Variants in FHIT observed in about 807,000 individuals in gnomAD.
FHIT encodes fragile histidine triad diadenosine triphosphatase.
In FHIT, 19 loss-of-function variants were observed where a neutral mutation model predicts 17.9. The ratio of observed to expected loss-of-function variants is 1.06; its 90% CI spans 0.74 to 1.56. The LOEUF (loss-of-function observed/expected upper bound fraction) is 1.56, where lower values mean the gene tolerates loss of function less well. FHIT is among the 40% of genes most tolerant of loss of function. The probability of loss-of-function intolerance (pLI) is 0.00; values close to 1 mark genes in which losing one functional copy is unlikely to be tolerated. For missense variants in FHIT, 248 were observed against 189.2 expected, an observed-to-expected ratio of 1.31 and a Z score of -1.82; for synonymous variants, 81 against 69.7, an observed-to-expected ratio of 1.16 and a Z score of -0.81.
At chr3:60,840,859 T>C (rs1553744910) in intron 3 of FHIT, among the ~76,000 whole-genome samples, 5 of 152,226 alleles carry the variant, frequency 3.3e-5, no homozygotes, top group East Asian at 1.9e-4. Flanking sequence ...ATCTCATATA[T>C]GCAGTTTTCA....
intron 7 of FHIT, among the ~76,000 whole-genome samples, chr3:60,005,927 C>T (rs1024960914): frequency 2.0e-5 from 3 of 152,160 alleles, no homozygotes; most frequent in Non-Finnish European, 4.4e-5. Flanking sequence ...CAGCCCCCTA[C>T]AAGTGCTTCT....
At chr3:60,083,925 T>C (rs1385177392) in intron 5 of FHIT, among the ~76,000 whole-genome samples, 1 of 152,250 alleles carries the variant, frequency 6.6e-6, no homozygotes, top group Non-Finnish European at 1.5e-5. Flanking sequence ...TCTGCTATAG[T>C]GCTATTAAGC....
In FHIT at chr3:60,898,886, G is replaced by A. The variant is rs560941765; in HGVS notation, c.-110-76875C>T. On this transcript the variant is annotated intron_variant, in intron 3 of 9. Coordinates refer to ENST00000492590, the MANE Select transcript of FHIT (RefSeq NM_002012.4). ...TGGGAAAGCTTCTCTCATCAGGGCT[G>A]TACCAATTAAAAATCCATAAATAAT... Among the ~76,000 whole-genome samples the A allele has an allele frequency of 5.3e-5, 8 of 152,308 alleles. No individual in the cohort carries two copies. The South Asian group carries it at 1.0e-3, about 20-fold the overall frequency.
At chr3:60,939,237 G>A (rs1179303367) in intron 3 of FHIT, among the ~76,000 whole-genome samples, 2 of 152,122 alleles carry the variant, frequency 1.3e-5, no homozygotes, top group Admixed American at 1.3e-4. Context: ...GCACGCACTT[G>A]TTTACCAAAA....
At chr3:60,443,810 A>T (rs930311730) in intron 5 of FHIT, among the ~76,000 whole-genome samples, 2 of 152,178 alleles carry the variant, frequency 1.3e-5, no homozygotes, top group Non-Finnish European at 2.9e-5. Context: ...AAACACCAAA[A>T]GCAATGGCAA....
At chr3:60,959,844 T>C (rs1210451468) in intron 3 of FHIT, among the ~76,000 whole-genome samples, 3 of 151,604 alleles carry the variant, frequency 2.0e-5, no homozygotes, top group Admixed American at 1.3e-4. Context: ...TGGTGTTTAT[T>C]TGGTGAGCCT....
chr3:60,296,107 G>C (rs1055991336), intron 5 of FHIT, among the ~76,000 whole-genome samples: 1 of 152,048 alleles, frequency 6.6e-6, no homozygotes, highest in Non-Finnish European at 1.5e-5. Context: ...TGATTGTGTG[G>C]CCTCCCCAGC....
chr3:59,781,120 C>A (rs1342496627), intron 8 of FHIT, among the ~76,000 whole-genome samples: 1 of 152,138 alleles, frequency 6.6e-6, no homozygotes, highest in Admixed American at 6.6e-5. Context: ...CATGTAGGAT[C>A]TTGAAGGCAT....
intron 8 of FHIT, among the ~76,000 whole-genome samples, chr3:59,906,171 C>A (rs1267838073): frequency 6.6e-6 from 1 of 152,170 alleles, no homozygotes; most frequent in African/African-American, 2.4e-5. Flanking sequence ...CAGTACAATG[C>A]TCTTGAATAC....
intron 4 of FHIT, among the ~76,000 whole-genome samples, chr3:60,607,789 C>CAT (rs1392624114): frequency 6.6e-6 from 1 of 152,072 alleles, no homozygotes; most frequent in Non-Finnish European, 1.5e-5. Context: ...CACACATATA[C>CAT]ATATATACAC....
intron 8 of FHIT, among the ~76,000 whole-genome samples, chr3:59,889,558 T>C (rs1464458911): frequency 6.6e-6 from 1 of 152,170 alleles, no homozygotes; most frequent in Admixed American, 6.5e-5. Flanking sequence ...TGAGAAAAAC[T>C]TACCCTCCTT....
At chr3:61,125,418 C>G (rs921517829) in intron 2 of FHIT, among the ~76,000 whole-genome samples, 1 of 152,034 alleles carries the variant, frequency 6.6e-6, no homozygotes, top group Non-Finnish European at 1.5e-5. Context: ...AGAAAAAGTT[C>G]TTTGTTTTGT....
At chr3:60,342,575 G>A (rs1399483218) in intron 5 of FHIT, among the ~76,000 whole-genome samples, 1 of 152,176 alleles carries the variant, frequency 6.6e-6, no homozygotes, top group Non-Finnish European at 1.5e-5. Context: ...ACAGCAAGAT[G>A]ATTTACATAA....
intron 3 of FHIT, among the ~76,000 whole-genome samples, chr3:60,858,400 C>G (rs961284995): frequency 5.3e-5 from 8 of 152,122 alleles, no homozygotes; most frequent in Non-Finnish European, 7.4e-5. Context: ...AAGGGAGCAG[C>G]ATTCAGAACC....
chr3:61,021,727 A>G (rs1254045992), intron 3 of FHIT, among the ~76,000 whole-genome samples: 2 of 152,156 alleles, frequency 1.3e-5, no homozygotes, highest in Non-Finnish European at 2.9e-5. Context: ...AAACTGAACA[A>G]TGGGCTCCTG....
At chr3:60,171,662 T>G (rs554883807) in intron 5 of FHIT, among the ~76,000 whole-genome samples, 1 of 152,326 alleles carries the variant, frequency 6.6e-6, no homozygotes, top group South Asian at 2.1e-4. Flanking sequence ...AAATTAACTT[T>G]CCTTCCTTCA....
chr3:60,515,474 C>A (rs1282149987), intron 5 of FHIT, among the ~76,000 whole-genome samples: 2 of 152,014 alleles, frequency 1.3e-5, no homozygotes, highest in African/African-American at 4.8e-5. Flanking sequence ...AGAGTAGCCT[C>A]ACCCCAAAGA....
chr3:60,367,346 G>T (rs1043260486), intron 5 of FHIT, among the ~76,000 whole-genome samples: 1 of 152,160 alleles, frequency 6.6e-6, no homozygotes, highest in African/African-American at 2.4e-5. Flanking sequence ...AGTACCTCTA[G>T]ATTATTTTCT....
chr3:60,314,041 A>G (rs893008623), intron 5 of FHIT, among the ~76,000 whole-genome samples: 1 of 152,200 alleles, frequency 6.6e-6, no homozygotes, highest in African/African-American at 2.4e-5. Flanking sequence ...TGTCTACATC[A>G]GTGTCATGTT....
Sources: allele counts gnomAD v4.1 joint callset (sites outside exome capture counted in the v4.1 genomes callset), GRCh38; gene constraint gnomAD v4.1.1; transcripts MANE v1.5; gene names NCBI Gene and HGNC (gene_info 2026-07-23, HGNC 2026-07-21).